DAAM1: variants seen among roughly 807,000 people sequenced by gnomAD.
The protein encoded by DAAM1 is disheveled-associated activator of morphogenesis 1.
A neutral mutation model predicts 130.0 loss-of-function variants in DAAM1; 52 were observed. The ratio of observed to expected loss-of-function variants is 0.40; its 90% CI spans 0.32 to 0.50. The LOEUF (loss-of-function observed/expected upper bound fraction) is 0.50. Among genes scored for constraint, DAAM1 ranks in the 20% least tolerant of loss-of-function variants. DAAM1 has a pLI of 0.61. For synonymous variants in DAAM1, 452 were observed against 444.5 expected, an observed-to-expected ratio of 1.02 and a Z score of -0.21; for missense variants, 1,134 against 1,303.8, an observed-to-expected ratio of 0.87 and a Z score of 2.01.
chr14:59,267,272 G>C (rs1882483926), intron 2 of DAAM1, among the ~76,000 whole-genome samples: 1 of 152,116 alleles, frequency 6.6e-6, no homozygotes, highest in African/African-American at 2.4e-5. Flanking sequence ...TTTTAAAAGT[G>C]ATACCAAGTA....
At chr14:59,262,417 C>G (rs530496071) in intron 1 of DAAM1, among the ~76,000 whole-genome samples, 71 of 152,222 alleles carry the variant, frequency 4.7e-4, no homozygotes, top group Admixed American at 1.8e-3. Flanking sequence ...CCTCTATCAT[C>G]ATTAAAAACA....
At chr14:59,269,779 A>C (rs1482555244) in intron 2 of DAAM1, among the ~76,000 whole-genome samples, 2 of 152,306 alleles carry the variant, frequency 1.3e-5, no homozygotes, top group Middle Eastern at 3.4e-3. Context: ...AAAGGAAAGA[A>C]AAGAGTGTTA....
chr14:59,340,613 T>C (rs1349450976), intron 16 of DAAM1, among the ~76,000 whole-genome samples: 1 of 152,220 alleles, frequency 6.6e-6, no homozygotes, highest in Admixed American at 6.5e-5. Flanking sequence ...GATTTCATGT[T>C]CTTTTTGAGC....
chr14:59,249,395 A>T (rs996822201), intron 1 of DAAM1, among the ~76,000 whole-genome samples: 1 of 152,184 alleles, frequency 6.6e-6, no homozygotes, highest in Non-Finnish European at 1.5e-5. Flanking sequence ...AATAATGGCA[A>T]TTTTATTTCA....
intron 22 of DAAM1, chr14:59,362,507 A>G (rs1886746830): frequency 6.6e-6 from 1 of 152,090 alleles, no homozygotes; most frequent in Admixed American, 6.6e-5. Context: ...ACACAGATAC[A>G]CTCACTTTCC....
chr14:59,356,811 G>A (rs779799034), intron 20 of DAAM1, among the ~76,000 whole-genome samples: 13 of 152,226 alleles, frequency 8.5e-5, no homozygotes. Context: ...TTTACATAAA[G>A]TACAAGCCTT....
chr14:59,281,725 T>C (rs536438895), intron 2 of DAAM1, among the ~76,000 whole-genome samples: 129 of 152,308 alleles, frequency 8.5e-4, no homozygotes, highest in Non-Finnish European at 1.4e-3. Context: ...TTGTATTCTT[T>C]ATAACGTCTG....
chr14:59,249,017 G>T (rs991403222), intron 1 of DAAM1, among the ~76,000 whole-genome samples: 2 of 152,196 alleles, frequency 1.3e-5, no homozygotes, highest in African/African-American at 4.8e-5. Flanking sequence ...TCGATCTCCT[G>T]ACCTCGTGAT....
chr14:59,366,992 A>G (rs1370051091), intron 23 of DAAM1, among the ~76,000 whole-genome samples: 1 of 151,854 alleles, frequency 6.6e-6, no homozygotes, highest in Non-Finnish European at 1.5e-5. Context: ...TTAAAACAAA[A>G]CAACAAAAAA....
chr14:59,197,736 A>T (rs1887946428), intron 1 of DAAM1, among the ~76,000 whole-genome samples: 1 of 152,062 alleles, frequency 6.6e-6, no homozygotes, highest in African/African-American at 2.4e-5. Flanking sequence ...CGTTTCTTCC[A>T]TACCTTACCT....
At chr14:59,289,137 G>T (rs1268366327) in intron 2 of DAAM1, among the ~76,000 whole-genome samples, 1 of 151,974 alleles carries the variant, frequency 6.6e-6, no homozygotes, top group African/African-American at 2.4e-5. Flanking sequence ...GGCTGGTCTT[G>T]ATCTCCTGAC....
At chr14:59,328,020 C>T (rs983032072) in intron 12 of DAAM1, among the ~76,000 whole-genome samples, 1 of 152,262 alleles carries the variant, frequency 6.6e-6, no homozygotes, top group Admixed American at 6.5e-5. Context: ...ACCATGCTCT[C>T]ACCATACTGG....
At chr14:59,247,385 A>G (rs1881435679) in intron 1 of DAAM1, among the ~76,000 whole-genome samples, 1 of 152,120 alleles carries the variant, frequency 6.6e-6, no homozygotes, top group South Asian at 2.1e-4. Flanking sequence ...TTGAGATTCC[A>G]TATGCCTTCC....
intron 12 of DAAM1, 24 bp downstream of exon 12, chr14:59,327,015 A>AG: frequency 6.2e-7 from 1 of 1,613,434 alleles, no homozygotes; most frequent in Admixed American, 1.7e-5. Flanking sequence ...CCCTGATAAG[A>AG]GGCTGTGTTA....
intron 1 of DAAM1, among the ~76,000 whole-genome samples, chr14:59,251,510 A>T (rs1271792470): frequency 6.6e-6 from 1 of 151,798 alleles, no homozygotes; most frequent in African/African-American, 2.4e-5. Flanking sequence ...AAAGTTCTCA[A>T]CATGAAGGGA....
chr14:59,250,399 T>C (rs191485592), intron 1 of DAAM1, among the ~76,000 whole-genome samples: 194 of 152,354 alleles, frequency 1.3e-3, no homozygotes, highest in African/African-American at 4.4e-3. Flanking sequence ...GGACTATTTT[T>C]GTGGATGTAC....
At chr14:59,230,878 TTAAAAA>T (rs1175210868) in intron 1 of DAAM1, among the ~76,000 whole-genome samples, 8 of 152,122 alleles carry the variant, frequency 5.3e-5, no homozygotes, top group African/African-American at 1.9e-4. Context: ...CCCATAAAAA[TTAAAAA>T]TAAAAAGTTT....
At chr14:59,292,863 C>T (rs1187404758) in intron 3 of DAAM1, among the ~76,000 whole-genome samples, 1 of 152,136 alleles carries the variant, frequency 6.6e-6, no homozygotes, top group Non-Finnish European at 1.5e-5. Flanking sequence ...CCTCTTCTGC[C>T]ATTTCTCTTT....
intron 1 of DAAM1, among the ~76,000 whole-genome samples, chr14:59,202,538 G>T (rs568444774): frequency 1.3e-5 from 2 of 152,310 alleles, no homozygotes; most frequent in South Asian, 4.1e-4. Flanking sequence ...AATGTTTTTA[G>T]TGTTGAGCGT....
Sources: gnomAD v4.1 joint callset for allele counts (sites outside exome capture counted in the v4.1 genomes callset) on GRCh38, gnomAD v4.1.1 for gene constraint, MANE v1.5 for transcripts, NCBI Gene and HGNC (gene_info 2026-07-23, HGNC 2026-07-21) for gene names.